The following VTI1A variants were observed in gnomAD, a reference collection of about 807,000 sequenced individuals.
VTI1A encodes the protein vesicle transport through interaction with t-SNAREs homolog 1A.
VTI1A carries 22 observed loss-of-function variants against 34.9 expected under a neutral mutation model. The observed-to-expected ratio is 0.63, with a 90% confidence interval of 0.45 to 0.90. VTI1A has a LOEUF of 0.90. Among genes scored for constraint, VTI1A ranks in the 40% least tolerant of loss-of-function variants. The probability of loss-of-function intolerance (pLI) is 0.00; values close to 1 mark genes in which losing one functional copy is unlikely to be tolerated. For synonymous variants in VTI1A, 87 were observed against 97.3 expected (o/e 0.89, Z 0.62); for missense variants, 268 against 275.6 (o/e 0.97, Z 0.20).
intron 3 of VTI1A, among the ~76,000 whole-genome samples, chr10:112,488,804 C>A (rs1183193249): frequency 6.6e-6 from 1 of 152,068 alleles, no homozygotes; most frequent in African/African-American, 2.4e-5. Flanking sequence ...GCTAAGTATA[C>A]CATGAAAGGA....
At chr10:112,805,019 C>T (rs1023325067) in intron 7 of VTI1A, among the ~76,000 whole-genome samples, 1 of 151,662 alleles carries the variant, frequency 6.6e-6, no homozygotes, top group African/African-American at 2.4e-5. Flanking sequence ...CCCCACCACG[C>T]CTGGCTATTT....
intron 5 of VTI1A, among the ~76,000 whole-genome samples, chr10:112,586,585 AG>A (rs1197852570): frequency 6.6e-6 from 1 of 152,188 alleles, no homozygotes. Flanking sequence ...CTCAAAAGCA[AG>A]TAATACTTTC....
intron 3 of VTI1A, among the ~76,000 whole-genome samples, chr10:112,482,564 A>G (rs1848490335): frequency 6.6e-6 from 1 of 152,186 alleles, no homozygotes; most frequent in African/African-American, 2.4e-5. Flanking sequence ...ATATTTTGGC[A>G]TTTTGTGAGA....
chr10:112,651,323 T>C (rs910877522), intron 5 of VTI1A, among the ~76,000 whole-genome samples: 1 of 152,224 alleles, frequency 6.6e-6, no homozygotes, highest in Non-Finnish European at 1.5e-5. Context: ...CCTCTTTTAT[T>C]TTTTGAGATG....
intron 4 of VTI1A, among the ~76,000 whole-genome samples, chr10:112,535,496 T>A (rs1213259138): frequency 4.6e-5 from 7 of 152,194 alleles, no homozygotes. Flanking sequence ...AATATGCCCC[T>A]TCTCTTCCTT....
At chr10:112,493,704 A>G (rs951892364) in intron 3 of VTI1A, among the ~76,000 whole-genome samples, 2 of 152,106 alleles carry the variant, frequency 1.3e-5, no homozygotes, top group African/African-American at 2.4e-5. Flanking sequence ...ATCAAATTCT[A>G]TTTCATTCTG....
intron 4 of VTI1A, among the ~76,000 whole-genome samples, chr10:112,531,339 G>A (rs1397233479): frequency 6.6e-6 from 1 of 152,074 alleles, no homozygotes; most frequent in Admixed American, 6.5e-5. Context: ...TGGTGGCATT[G>A]CACACTCTCA....
chr10:112,846,690 C>T, the VTI1A span, among the ~76,000 whole-genome samples: 1 of 150,430 alleles, frequency 6.6e-6, no homozygotes, highest in Non-Finnish European at 1.5e-5. Context: ...CGTGTGAACC[C>T]AGGAGGCGGA....
intron 3 of VTI1A, among the ~76,000 whole-genome samples, chr10:112,472,330 T>C (rs11195970): frequency 0.073 from 11,150 of 152,208 alleles, 577 homozygotes; most frequent in East Asian, 0.19. Flanking sequence ...ATGGCACTTC[T>C]ATTGACAGTC....
rs973111458 is a variant in VTI1A, at chr10:112,816,130, G to A, written c.*747G>A. On this transcript the variant is annotated 3_prime_UTR_variant, in exon 8 of 8. Coordinates refer to ENST00000393077, the MANE Select transcript of VTI1A (RefSeq NM_145206.4). Reference sequence around the variant, plus strand: ...GAATCTGCTGGCAAAGTGAGCCCTGGTACAGGATTTAATTGTGACCTCGTC... The same window carrying A: ...GAATCTGCTGGCAAAGTGAGCCCTGATACAGGATTTAATTGTGACCTCGTC... 4.6e-6 allele frequency: 1 copy of A among 219,728 alleles called. No homozygotes were observed. The highest frequency in any genetic ancestry group is 9.1e-6 in the Non-Finnish European group (1 of 109,698). The allele number at this position is 219,728 out of a possible 1,614,324, so 13.6% of individuals were successfully genotyped here.
intron 1 of VTI1A, among the ~76,000 whole-genome samples, chr10:112,453,255 G>A (rs1847308323): frequency 6.6e-6 from 1 of 152,150 alleles, no homozygotes; most frequent in Non-Finnish European, 1.5e-5. Context: ...CTGTCAACAT[G>A]ACTTATCACT....
chr10:112,772,413 G>A lies in VTI1A; in HGVS notation c.561-42877G>A, dbSNP rs145525597. ...AATTAGGTTGTCTTTTTATTAGTAC[G>A]TTGTAAGAGTTTTTTAAGATAGTCT... On this transcript the variant is annotated intron_variant, in intron 7 of 7. Coordinates refer to ENST00000393077, the MANE Select transcript of VTI1A (RefSeq NM_145206.4). Among the ~76,000 whole-genome samples, 563 of 151,984 alleles carry A rather than the reference G, an allele frequency of 3.7e-3. 6 individuals carry two copies. Among genetic ancestry groups the A allele is most frequent in the Non-Finnish European group, 5.5e-3 (374 of 68,010 alleles).
chr10:112,448,686 G>A (rs1410270597), intron 1 of VTI1A, among the ~76,000 whole-genome samples: 1 of 152,180 alleles, frequency 6.6e-6, no homozygotes, highest in Non-Finnish European at 1.5e-5. Context: ...GTAGAAAGGT[G>A]GATGTGCTCA....
Position 112,668,140 on chromosome 10 carries a change from G to A in VTI1A, c.428-78G>A, listed in dbSNP as rs944876134. On this transcript the variant is annotated intron_variant, in intron 5 of 7. Coordinates refer to ENST00000393077, the MANE Select transcript of VTI1A (RefSeq NM_145206.4). ...CATGCATGCAACTTTAACATTTTAT[G>A]CCATTTTAGTATTTCTGAGATTTAC... 5.1e-6 allele frequency: 6 copies of A among 1,171,062 alleles called. No individual in the cohort carries two copies. In the East Asian group the frequency reaches 1.2e-4, roughly 24 times the overall value. The allele number at this position is 1,171,062 out of a possible 1,614,324, so 72.5% of individuals were successfully genotyped here. A position where few individuals can be genotyped will look rare whatever the true frequency, so the allele number is the denominator to read the frequency against.
intron 3 of VTI1A, among the ~76,000 whole-genome samples, chr10:112,466,905 T>C (rs1346638113): frequency 2.0e-5 from 3 of 152,330 alleles, no homozygotes; most frequent in African/African-American, 7.2e-5. Flanking sequence ...TTTAGATGGC[T>C]TCTCCCCATG....
intron 3 of VTI1A, among the ~76,000 whole-genome samples, chr10:112,475,103 G>A (rs1043754456): frequency 2.0e-5 from 3 of 152,204 alleles, no homozygotes; most frequent in African/African-American, 7.2e-5. Context: ...AATATTATGT[G>A]TTAAAGATTT....
chr10:112,607,835 C>T (rs1362118496), intron 5 of VTI1A, among the ~76,000 whole-genome samples: 2 of 152,188 alleles, frequency 1.3e-5, no homozygotes, highest in African/African-American at 4.8e-5. Flanking sequence ...TTTATTCCAT[C>T]CCTTGGGCTT....
At chr10:112,728,372 A>T (rs1850122238) in intron 7 of VTI1A, among the ~76,000 whole-genome samples, 1 of 152,232 alleles carries the variant, frequency 6.6e-6, no homozygotes, top group Non-Finnish European at 1.5e-5. Flanking sequence ...TGTGGAAATA[A>T]CTTTGCTTTT....
At chr10:112,607,431 G>A (rs1845127207) in intron 5 of VTI1A, among the ~76,000 whole-genome samples, 1 of 152,064 alleles carries the variant, frequency 6.6e-6, no homozygotes, top group African/African-American at 2.4e-5. Context: ...TCACTGCACT[G>A]TACCCACTCT....
Sources: allele counts gnomAD v4.1 joint callset (sites outside exome capture counted in the v4.1 genomes callset), GRCh38; gene constraint gnomAD v4.1.1; transcripts MANE v1.5; gene names NCBI Gene and HGNC (gene_info 2026-07-23, HGNC 2026-07-21).